MLH3: variants seen among roughly 807,000 people sequenced by gnomAD.
MLH3 encodes the protein DNA mismatch repair protein Mlh3.
MLH3 carries 82 observed loss-of-function variants against 122.2 expected under a neutral mutation model. The ratio of observed to expected loss-of-function variants is 0.67; its 90% CI spans 0.56 to 0.81. The LOEUF (loss-of-function observed/expected upper bound fraction) is 0.81, where lower values mean the gene tolerates loss of function less well. Ranked by LOEUF, MLH3 falls within the 30% of genes least tolerant of loss-of-function variation. The probability of loss-of-function intolerance (pLI) is 0.00; values close to 1 mark genes in which losing one functional copy is unlikely to be tolerated. For synonymous variants in MLH3, 524 were observed against 599.5 expected (o/e 0.87, Z 1.84); for missense variants, 1,539 against 1,714.5 (o/e 0.90, Z 1.81).
chr14:75,023,405 C>A (rs969776817), intron 9 of MLH3, among the ~76,000 whole-genome samples: 4 of 152,188 alleles, frequency 2.6e-5, no homozygotes, highest in African/African-American at 7.2e-5. Context: ...ATATTACACA[C>A]AAACTGAGAA....
Position 75,047,091 on chromosome 14 carries a change from C to G in MLH3, c.2565G>C (p.Glu855Asp), listed in dbSNP as rs771780773. 3.1e-6 allele frequency: 5 copies of G among 1,614,136 alleles called. No homozygotes were observed. The highest frequency in any genetic ancestry group is 4.2e-6 in the Non-Finnish European group (5 of 1,179,980). Residue 855 changes from glutamate (E) to aspartate (D), a missense_variant, in exon 2 of 13, where the codon GAG becomes GAC. Transcript: ENST00000355774. ...SLRESPMTLKELSLFNRKPLD... is the reference protein window; with the variant it reads ...SLRESPMTLKDLSLFNRKPLD... The stretch of plus-strand genomic sequence containing the variant: ...AAGGTTTTCTATTAAAGAGAGATAA[C>G]TCCTTCAGGGTCATAGGACTTTCTC...
rs941874161 is a variant in MLH3 at position 75,016,412 on chromosome 14, T to C, written c.*670A>G. 5.2e-6 allele frequency: 1 copy of C among 193,470 alleles called. No homozygotes were observed. Among genetic ancestry groups the C allele is most frequent in the African/African-American group, 2.3e-5 (1 of 43,136 alleles). The allele number at this position is 193,470 out of a possible 1,614,324, so 12.0% of individuals were successfully genotyped here. A position where few individuals can be genotyped will look rare whatever the true frequency, so the allele number is the denominator to read the frequency against. ...ATATTGAACATCAGTCTCTGAGTTT[T>C]TAAAGAAAACATAACAAAAAACCCG... On this transcript the variant is annotated 3_prime_UTR_variant, in exon 13 of 13. Transcript: ENST00000355774.
At position 75,046,895 on chromosome 14, in the gene MLH3, T is replaced by C; in HGVS notation, c.2761A>G (p.Met921Val). 2.5e-6 allele frequency: 4 copies of C among 1,614,060 alleles called. No individual in the cohort carries two copies. The highest frequency in any genetic ancestry group is 3.4e-6 in the Non-Finnish European group (4 of 1,180,012). The part of the protein sequence containing the change: ...LCSVLTQDFC[M>V]LFNNKHEKTE... The stretch of plus-strand genomic sequence containing the variant: ...TTTTCATGCTTGTTGTTAAATAACA[T>C]ACAAAAATCTTGTGTTAACACACTG... The change falls in exon 2 of 13, where the codon ATG (methionine) becomes GTG (valine). Residue 921 changes from methionine (M) to valine (V), a missense_variant. Transcript: ENST00000355774.
chr14:75,022,975 A>C lies in MLH3; in HGVS notation c.4011+20T>G. ...GTGTGGTGCTTCTGTGTGAAACCCC[A>C]AAATAAAGGAAAAGCTTACCTCCAG... On this transcript the variant is annotated intron_variant, in intron 10 of 12. Coordinates refer to ENST00000355774, the MANE Select transcript of MLH3 (RefSeq NM_001040108.2). The C allele has an allele frequency of 6.2e-7, 1 of 1,614,194 alleles. No individual in the cohort carries two copies. The highest frequency in any genetic ancestry group is 8.5e-7 in the Non-Finnish European group (1 of 1,180,014).
At chr14:75,022,762 C>CCAGGGCTCTGCATGCAGAGCCCTGG in intron 11 of MLH3, 52 bp downstream of exon 11, 2 of 1,508,864 alleles carry the variant, frequency 1.3e-6, no homozygotes, top group Non-Finnish European at 1.8e-6. Flanking sequence ...GGCAGCCCTG[C>CCAGGGCTCTGCATGCAGAGCCCTGG]CAGGGCTCTG....
intron 6 of MLH3, among the ~76,000 whole-genome samples, chr14:75,037,993 A>C (rs1227139786): frequency 2.0e-5 from 3 of 152,114 alleles, no homozygotes; most frequent in Admixed American, 1.3e-4. Flanking sequence ...TCTGCCTCCC[A>C]AGTTCAAGCG....
intron 9 of MLH3, among the ~76,000 whole-genome samples, chr14:75,027,750 G>C (rs111357331): frequency 4.7e-5 from 7 of 148,306 alleles, no homozygotes; most frequent in Non-Finnish European, 7.4e-5. Context: ...CAAAGACTCT[G>C]GTGAACACTT....
intron 4 of MLH3, among the ~76,000 whole-genome samples, 160 bp from the exon 5 acceptor site, chr14:75,040,175 C>T (rs1166337532): frequency 2.0e-5 from 3 of 151,622 alleles, no homozygotes; most frequent in Admixed American, 6.6e-5. Flanking sequence ...ATCGGCCGGG[C>T]GTGGTGGCTC....
intron 9 of MLH3, among the ~76,000 whole-genome samples, chr14:75,023,523 A>G (rs1451789360): frequency 6.6e-6 from 1 of 152,204 alleles, no homozygotes; most frequent in Non-Finnish European, 1.5e-5. Flanking sequence ...TTTTGGGGAC[A>G]ATTCCCTTCA....
In MLH3 at chr14:75,017,343, C is replaced by A. The variant is rs917462303; in HGVS notation, c.4243-142G>T. The A allele has an allele frequency of 2.6e-5, 20 of 770,766 alleles. No homozygotes were observed. The African/African-American group carries it at 2.6e-4, about 10-fold the overall frequency. The allele number at this position is 770,766 out of a possible 1,614,324, so 47.7% of individuals were successfully genotyped here. ...CACAAGGTCAGGAGTTTGAGACCAGCCTGGCCAATATGGTGAAACCCTGTC... is the reference window on the plus strand; with the variant it reads ...CACAAGGTCAGGAGTTTGAGACCAGACTGGCCAATATGGTGAAACCCTGTC... On this transcript the variant is annotated intron_variant, in intron 12 of 12. Coordinates refer to ENST00000355774, the MANE Select transcript of MLH3 (RefSeq NM_001040108.2).
chr14:75,049,159 A>C lies in MLH3; in HGVS notation c.497T>G (p.Leu166Arg). The C allele has an allele frequency of 6.2e-7, 1 of 1,614,192 alleles. No homozygotes were observed. The highest frequency in any genetic ancestry group is 1.1e-5 in the South Asian group (1 of 91,090). Residue 166 changes from leucine (L) to arginine (R), a missense_variant, in exon 2 of 13, where the codon CTG becomes CGG. Transcript: ENST00000355774. Reference protein sequence around the residue: ...PVRRKCMDPRLEFEKVRQRIE... With the variant: ...PVRRKCMDPRREFEKVRQRIE... Reference sequence around the variant, plus strand: ...TCTCTGCCTAACCTTCTCAAACTCCAGTCTAGGGTCCATGCATTTCCTCCT... The same window carrying C: ...TCTCTGCCTAACCTTCTCAAACTCCCGTCTAGGGTCCATGCATTTCCTCCT...
chr14:75,037,322 G>T (rs1891487453), intron 6 of MLH3, among the ~76,000 whole-genome samples: 1 of 152,106 alleles, frequency 6.6e-6, no homozygotes, highest in Non-Finnish European at 1.5e-5. Flanking sequence ...CCCAATACAG[G>T]TTCTTAGAGC....
intron 9 of MLH3, among the ~76,000 whole-genome samples, chr14:75,027,190 G>C (rs1566579665): frequency 6.6e-6 from 1 of 151,942 alleles, no homozygotes; most frequent in Non-Finnish European, 1.5e-5. Context: ...GTGAAATTCT[G>C]TTTTTAGCTA....
chr14:75,043,721 T>C (rs1010943942), intron 2 of MLH3, among the ~76,000 whole-genome samples: 1 of 152,194 alleles, frequency 6.6e-6, no homozygotes, highest in African/African-American at 2.4e-5. Flanking sequence ...AAATATATTT[T>C]AAAGAAAAAA....
rs1244258829 is a variant in MLH3, at chr14:75,050,723, T to C, written c.-64+657A>G. ...CCAGAAGGTCATTATTAATATTCTT[T>C]TGGTCTTTACAGATGGGCATAAACT... On this transcript the variant is annotated intron_variant, in intron 1 of 12. Coordinates refer to ENST00000355774, the MANE Select transcript of MLH3 (RefSeq NM_001040108.2). 3.3e-5 allele frequency: 5 copies of C among 152,376 alleles called. No individual in the cohort carries two copies. In the East Asian group the frequency reaches 9.6e-4, roughly 29 times the overall value. The allele number at this position is 152,376 out of a possible 1,614,324, so 9.4% of individuals were successfully genotyped here. A position where few individuals can be genotyped will look rare whatever the true frequency, so the allele number is the denominator to read the frequency against.
chr14:75,036,744 T>A (rs1566590608), intron 6 of MLH3: 2 of 456,180 alleles, frequency 4.4e-6, no homozygotes. Flanking sequence ...TCAACTCAGC[T>A]ATGGAGGCCA....
At chr14:75,019,734 A>G (rs1233058422) in intron 11 of MLH3, among the ~76,000 whole-genome samples, 1 of 152,118 alleles carries the variant, frequency 6.6e-6, no homozygotes, top group Non-Finnish European at 1.5e-5. Flanking sequence ...TAATTTCCAT[A>G]ATAATCTTCC....
chr14:75,049,749 A>C, intron 1 of MLH3, 31 bp from the exon 2 acceptor site: 3 of 1,234,888 alleles, frequency 2.4e-6, no homozygotes, highest in Non-Finnish European at 3.5e-6. Flanking sequence ...ACACGCACAT[A>C]ATCAAAGCTT....
intron 8 of MLH3, among the ~76,000 whole-genome samples, chr14:75,031,005 G>A (rs1185803182): frequency 6.6e-6 from 1 of 152,168 alleles, no homozygotes; most frequent in Admixed American, 6.5e-5. Flanking sequence ...GGCACTTAAG[G>A]GAGTCTGGCA....
Sources: gnomAD v4.1 joint callset for allele counts (sites outside exome capture counted in the v4.1 genomes callset) on GRCh38, gnomAD v4.1.1 for gene constraint, MANE v1.5 for transcripts, NCBI Gene and HGNC (gene_info 2026-07-23, HGNC 2026-07-21) for gene names.